CACNA1D: variants seen among roughly 807,000 people sequenced by gnomAD.
CACNA1D encodes the protein calcium voltage-gated channel subunit alpha1 D.
In CACNA1D, 55 loss-of-function variants were observed where a neutral mutation model predicts 257.1. The observed-to-expected ratio is 0.21, with a 90% CI of 0.17 to 0.27. The LOEUF is 0.27. Among genes scored for constraint, CACNA1D ranks in the 10% least tolerant of loss-of-function variants. The pLI is 1.00. For synonymous variants in CACNA1D, 980 were observed against 1,014.9 expected, an observed-to-expected ratio of 0.97 and a Z score of 0.65; for missense variants, 1,876 against 2,784.0, an observed-to-expected ratio of 0.67 and a Z score of 7.34.
intron 3 of CACNA1D, among the ~76,000 whole-genome samples, chr3:53,598,820 G>C (rs756751539): frequency 6.6e-6 from 1 of 152,206 alleles, no homozygotes; most frequent in African/African-American, 2.4e-5. Context: ...ATGTGCCCAT[G>C]CCTGGGTGTT....
chr3:53,792,065 C>A (rs2095486023), intron 40 of CACNA1D: 1 of 152,224 alleles, frequency 6.6e-6, no homozygotes, highest in Non-Finnish European at 1.5e-5. Flanking sequence ...ATAATAATAT[C>A]ATATGCCTGT....
chr3:53,803,953 T>C (rs1247720776), intron 44 of CACNA1D, among the ~76,000 whole-genome samples: 2 of 152,154 alleles, frequency 1.3e-5, no homozygotes, highest in East Asian at 3.9e-4. Flanking sequence ...GGACGGCGGC[T>C]TGGCCAGCCT....
chr3:53,566,938 C>A (rs1010119705), intron 3 of CACNA1D, among the ~76,000 whole-genome samples: 2 of 152,226 alleles, frequency 1.3e-5, no homozygotes, highest in African/African-American at 4.8e-5. Flanking sequence ...TTTGCTCATG[C>A]TATTTGTCTT....
rs1389264047 is a variant in CACNA1D at position 53,793,486 on chromosome 3, C to T, written c.4923+6534C>T. ...GACCGACCTTCTAGATCCAAGATTC[C>T]ATACACTCAGGCCTCGGCAGAAAGG... is the stretch of plus-strand genomic sequence containing the variant. On this transcript the variant is annotated intron_variant, in intron 40 of 47. Coordinates refer to ENST00000350061, the MANE Select transcript of CACNA1D (RefSeq NM_001128840.3). The surrounding 1 kb of genome is among the most constrained non-coding windows in gnomAD (Gnocchi z 4.1). Among the ~76,000 whole-genome samples, 1 of 152,194 alleles carries T rather than the reference C, an allele frequency of 6.6e-6. No homozygotes were observed. Among genetic ancestry groups the T allele is most frequent in the Admixed American group, 6.5e-5 (1 of 15,268 alleles).
At chr3:53,784,932 G>A (rs2095444971) in intron 39 of CACNA1D, among the ~76,000 whole-genome samples, 1 of 152,164 alleles carries the variant, frequency 6.6e-6, no homozygotes, top group South Asian at 2.1e-4. Flanking sequence ...CTGTGGTAAG[G>A]TCCCGGCTTG....
At chr3:53,788,468 C>T (rs927174112) in intron 40 of CACNA1D, among the ~76,000 whole-genome samples, 1 of 152,190 alleles carries the variant, frequency 6.6e-6, no homozygotes, top group African/African-American at 2.4e-5. Flanking sequence ...TGACAGCCCC[C>T]CTCCTGGATT....
At chr3:53,768,560 T>C (rs1467727431) in intron 30 of CACNA1D, among the ~76,000 whole-genome samples, 1 of 152,212 alleles carries the variant, frequency 6.6e-6, no homozygotes, top group Non-Finnish European at 1.5e-5. Context: ...GACGAACTAA[T>C]AGAAGAGGGA....
intron 3 of CACNA1D, among the ~76,000 whole-genome samples, chr3:53,600,978 C>G (rs146601560): frequency 1.3e-5 from 2 of 152,286 alleles, no homozygotes; most frequent in African/African-American, 4.8e-5. Flanking sequence ...GCAACCCTAA[C>G]GTGTTGGGGC....
At chr3:53,667,888 C>T (rs529129507) in intron 7 of CACNA1D, among the ~76,000 whole-genome samples, 11 of 151,650 alleles carry the variant, frequency 7.3e-5, no homozygotes, top group East Asian at 3.9e-4. Context: ...ATTCATAAAA[C>T]GTCTTTTCAT....
At chr3:53,634,111 A>G (rs149144915) in intron 3 of CACNA1D, among the ~76,000 whole-genome samples, 2 of 152,240 alleles carry the variant, frequency 1.3e-5, no homozygotes, top group African/African-American at 4.8e-5. Context: ...TGGATGGTGA[A>G]CTATATTGAC....
chr3:53,564,674 A>G (rs1344736590), intron 3 of CACNA1D, among the ~76,000 whole-genome samples: 1 of 152,124 alleles, frequency 6.6e-6, no homozygotes, highest in Admixed American at 6.5e-5. Flanking sequence ...TACTTTGTAT[A>G]TCCTAGACAC....
intron 3 of CACNA1D, among the ~76,000 whole-genome samples, chr3:53,579,870 T>C (rs2093101805): frequency 6.6e-6 from 1 of 152,224 alleles, no homozygotes; most frequent in Admixed American, 6.5e-5. Context: ...GGCAGTGCCA[T>C]GCAGGCCCCG....
intron 7 of CACNA1D, among the ~76,000 whole-genome samples, chr3:53,671,793 C>G (rs909321305): frequency 6.6e-6 from 1 of 152,128 alleles, no homozygotes; most frequent in Non-Finnish European, 1.5e-5. Flanking sequence ...GTGAAATGCA[C>G]GAGCCTCATT....
intron 30 of CACNA1D, among the ~76,000 whole-genome samples, chr3:53,763,521 C>T (rs571278560): frequency 7.2e-5 from 11 of 152,212 alleles, no homozygotes; most frequent in African/African-American, 2.2e-4. Flanking sequence ...GTGTGTGTGC[C>T]GAGCCTGTGC....
chr3:53,672,106 C>G (rs1224723728), intron 7 of CACNA1D, among the ~76,000 whole-genome samples: 1 of 152,198 alleles, frequency 6.6e-6, no homozygotes, highest in African/African-American at 2.4e-5. Flanking sequence ...TTCCTTTGGC[C>G]AGGTCTGCCA....
chr3:53,650,640 C>T lies in CACNA1D; in HGVS notation c.484-139C>T, dbSNP rs572395151. ...TGGCCCAGGGGCAGTGTAATTGTTCCATTTCTCATAATGAAACTTTGTTTG... is the reference window on the plus strand; with the variant it reads ...TGGCCCAGGGGCAGTGTAATTGTTCTATTTCTCATAATGAAACTTTGTTTG... On this transcript the variant is annotated intron_variant, in intron 3 of 47. Transcript: ENST00000350061. 1.8e-5 allele frequency: 16 copies of T among 886,206 alleles called. No homozygotes were observed. In the African/African-American group the frequency reaches 1.8e-4, roughly 10 times the overall value. 54.9% of individuals were successfully genotyped at this position (886,206 alleles called of 1,614,324 possible).
At position 53,592,554 on chromosome 3, in the gene CACNA1D, A is replaced by G. The variant is rs532306569; in HGVS notation, c.484-58225A>G. ...GTCACCTTAGGTCTCTCATGAGCTT[A>G]AGGAAATATTAACTCATTCATAGGA... On this transcript the variant is annotated intron_variant, in intron 3 of 47. Coordinates refer to ENST00000350061, the MANE Select transcript of CACNA1D (RefSeq NM_001128840.3). 2.5e-4 allele frequency among the ~76,000 whole-genome samples: 38 copies of G among 152,294 alleles called. No individual in the cohort carries two copies. In the South Asian group the frequency reaches 7.9e-3, roughly 32 times the overall value.
At chr3:53,731,191 C>G in intron 17 of CACNA1D, 45 bp downstream of exon 17, 2 of 1,176,244 alleles carry the variant, frequency 1.7e-6, no homozygotes, top group South Asian at 2.4e-5. Flanking sequence ...TCAAAATGAT[C>G]CTGTTGATCT....
intron 9 of CACNA1D, among the ~76,000 whole-genome samples, chr3:53,705,233 G>T (rs998483353): frequency 2.6e-5 from 4 of 152,162 alleles, no homozygotes; most frequent in African/African-American, 9.7e-5. Flanking sequence ...TGTGAGGAAG[G>T]CTCCGTGGGA....
Sources: allele counts gnomAD v4.1 joint callset (sites outside exome capture counted in the v4.1 genomes callset), GRCh38; gene constraint gnomAD v4.1.1; non-coding constraint Gnocchi (gnomAD v3.1); transcripts MANE v1.5; gene names NCBI Gene and HGNC (gene_info 2026-07-23, HGNC 2026-07-21).